The following ADAM19 variants were observed in gnomAD, a reference collection of about 807,000 sequenced individuals.
ADAM19 encodes the protein disintegrin and metalloproteinase domain-containing protein 19.
In ADAM19, 65 loss-of-function variants were observed where a neutral mutation model predicts 114.7. The observed-to-expected ratio is 0.57, with a 90% CI of 0.46 to 0.70. The LOEUF (loss-of-function observed/expected upper bound fraction) is 0.70, where lower values mean the gene tolerates loss of function less well. Among genes scored for constraint, ADAM19 ranks in the 30% least tolerant of loss-of-function variants. ADAM19 has a pLI of 0.00. For missense variants in ADAM19, 1,063 were observed against 1,204.7 expected, an observed-to-expected ratio of 0.88 and a Z score of 1.74; for synonymous variants, 466 against 460.5, an observed-to-expected ratio of 1.01 and a Z score of -0.15.
chr5:157,521,740 C>T (rs1363638707), intron 5 of ADAM19, among the ~76,000 whole-genome samples: 2 of 152,204 alleles, frequency 1.3e-5, no homozygotes, highest in African/African-American at 2.4e-5. Context: ...AGGGTCGCAT[C>T]CACTCCCTAA....
chr5:157,547,084 C>T (rs1002253897), intron 3 of ADAM19, among the ~76,000 whole-genome samples: 13 of 152,116 alleles, frequency 8.5e-5, no homozygotes, highest in African/African-American at 2.2e-4. Flanking sequence ...GGCCTGTCAG[C>T]GTTATGGAAA....
rs774840889 is a variant in ADAM19 at position 157,480,566 on chromosome 5, C to T, written c.*383G>A. 8.4e-6 allele frequency: 9 copies of T among 1,072,078 alleles called. No homozygotes were observed. Among genetic ancestry groups the T allele is most frequent in the Non-Finnish European group, 1.0e-5 (9 of 883,154 alleles). The allele number at this position is 1,072,078 out of a possible 1,614,324, so 66.4% of individuals were successfully genotyped here. A position where few individuals can be genotyped will look rare whatever the true frequency, so the allele number is the denominator to read the frequency against. Reference sequence around the variant, plus strand: ...GGGAAGCTCTCTTGCGTGCCCTGCACCCCAGGAGTGAATGGATGGCTTCTG... The same window carrying T: ...GGGAAGCTCTCTTGCGTGCCCTGCATCCCAGGAGTGAATGGATGGCTTCTG... On this transcript the variant is annotated 3_prime_UTR_variant, in exon 23 of 23. Coordinates refer to ENST00000257527, the MANE Select transcript of ADAM19 (RefSeq NM_033274.5).
At chr5:157,506,791 T>C (rs1647950358) in intron 10 of ADAM19, among the ~76,000 whole-genome samples, 1 of 152,208 alleles carries the variant, frequency 6.6e-6, no homozygotes, top group African/African-American at 2.4e-5. Flanking sequence ...GTTTGGAACA[T>C]ATGAGATCTA....
In ADAM19 at chr5:157,542,989, A is replaced by C. The variant is rs984573011; in HGVS notation, c.252-4998T>G. On this transcript the variant is annotated intron_variant, in intron 3 of 22. Transcript: ENST00000257527. ...TGTTAACTTGTAAAAACTTAATAAGATACAACAGAAATGCAAATATTTCCA... is the reference window on the plus strand; with the variant it reads ...TGTTAACTTGTAAAAACTTAATAAGCTACAACAGAAATGCAAATATTTCCA... Among the ~76,000 whole-genome samples the C allele has an allele frequency of 3.9e-5, 6 of 152,218 alleles. No individual in the cohort carries two copies. The East Asian group carries it at 9.6e-4, about 24-fold the overall frequency.
chr5:157,495,782 C>T (rs1036189718), intron 14 of ADAM19, among the ~76,000 whole-genome samples: 1 of 151,990 alleles, frequency 6.6e-6, no homozygotes, highest in Non-Finnish European at 1.5e-5. Flanking sequence ...TACAGGCGTC[C>T]ACCACCACGC....
Position 157,488,400 on chromosome 5 carries a change from T to C in ADAM19, c.2415A>G (p.Ala805=). The stretch of plus-strand genomic sequence containing the variant: ...CCCTGCTCAGGTGAGCTGGCAGTGG[T>C]GCAGGTGGGGACCCACCACGCAGAT... ...PDYLRGGSPP[A]PLPAHLSRAA... The change falls in exon 21 of 23, where the codon GCA becomes GCG. Residue 805 remains alanine (A), a synonymous_variant. Transcript: ENST00000257527. 11 of 1,614,050 alleles carry C rather than the reference T, an allele frequency of 6.8e-6. No individual in the cohort carries two copies. Among genetic ancestry groups the C allele is most frequent in the Non-Finnish European group, 9.3e-6 (11 of 1,179,994 alleles).
At position 157,480,710 on chromosome 5, in the gene ADAM19, T is replaced by C; in HGVS notation, c.*239A>G. The stretch of plus-strand genomic sequence containing the variant: ...CTCCTCATACTCTCCCCTCCCTACC[T>C]GGGGCTGTATATTGCACAAAACAAC... On this transcript the variant is annotated 3_prime_UTR_variant, in exon 23 of 23. Coordinates refer to ENST00000257527, the MANE Select transcript of ADAM19 (RefSeq NM_033274.5). The C allele has an allele frequency of 7.5e-7, 1 of 1,335,680 alleles. No individual in the cohort carries two copies. 82.7% of individuals were successfully genotyped at this position (1,335,680 alleles called of 1,614,324 possible).
rs773416601 is a variant in ADAM19, at chr5:157,479,933, A to C, written c.*1016T>G. The C allele has an allele frequency of 4.3e-5, 42 of 985,810 alleles. No homozygotes were observed. Among genetic ancestry groups the C allele is most frequent in the Non-Finnish European group, 3.4e-5 (28 of 830,016 alleles). 61.1% of individuals were successfully genotyped at this position (985,810 alleles called of 1,614,324 possible). A position where few individuals can be genotyped will look rare whatever the true frequency, so the allele number is the denominator to read the frequency against. ...AAGACCCCCACCCTGCTGAGGTCAC[A>C]AAACACAATGAAAAATAAACATATG... On this transcript the variant is annotated 3_prime_UTR_variant, in exon 23 of 23. Transcript: ENST00000257527.
intron 3 of ADAM19, among the ~76,000 whole-genome samples, chr5:157,557,162 C>A (rs1048238472): frequency 1.3e-5 from 2 of 152,208 alleles, no homozygotes; most frequent in African/African-American, 4.8e-5. Flanking sequence ...CCCGGCTCAG[C>A]CTCCCAAAGT....
chr5:157,477,950 G>A lies in ADAM19; in HGVS notation c.*2999C>T. ...GCAGAAAAAGGCTTTACTTTTATAG[G>A]GAGAAGTCAGCAAGGCTGAAAGGAA... On this transcript the variant is annotated 3_prime_UTR_variant, in exon 23 of 23. Coordinates refer to ENST00000257527, the MANE Select transcript of ADAM19 (RefSeq NM_033274.5). 3.1e-6 allele frequency: 1 copy of A among 318,540 alleles called. No individual in the cohort carries two copies. The highest frequency in any genetic ancestry group is 2.6e-5 in the South Asian group (1 of 38,164). The allele number at this position is 318,540 out of a possible 1,614,324, so 19.7% of individuals were successfully genotyped here. A position where few individuals can be genotyped will look rare whatever the true frequency, so the allele number is the denominator to read the frequency against.
At chr5:157,533,640 TG>T (rs1756684513) in intron 4 of ADAM19, among the ~76,000 whole-genome samples, 1 of 152,088 alleles carries the variant, frequency 6.6e-6, no homozygotes, top group Non-Finnish European at 1.5e-5. Flanking sequence ...TTCAGAAACG[TG>T]TATCAGCTAC....
intron 5 of ADAM19, among the ~76,000 whole-genome samples, chr5:157,521,173 A>G (rs1306297448): frequency 6.6e-6 from 1 of 152,222 alleles, no homozygotes. Context: ...AAAGAGGACC[A>G]TGACTTATTA....
intron 21 of ADAM19, among the ~76,000 whole-genome samples, chr5:157,486,394 G>A (rs1754931558): frequency 6.6e-6 from 1 of 152,146 alleles, no homozygotes; most frequent in Non-Finnish European, 1.5e-5. Context: ...GGGACCCGGG[G>A]CCCAGGAGAA....
chr5:157,519,842 G>T lies in ADAM19; in HGVS notation c.597C>A (p.Arg199=). 6.2e-7 allele frequency: 1 copy of T among 1,609,768 alleles called. No individual in the cohort carries two copies. Among genetic ancestry groups the T allele is most frequent in the African/African-American group, 1.3e-5 (1 of 74,908 alleles). Residue 199 remains arginine, a synonymous_variant, in exon 6 of 23, where the codon CGC becomes CGA. Coordinates refer to ENST00000257527, the MANE Select transcript of ADAM19 (RefSeq NM_033274.5). ...CACTGAGAGCCTCAAAACTCACCCT[G>T]CGAGGTCGCTTCTTGGTCTGTTGTG... ...QFTQQTKKRP[R]RMKREDLNSM... is the part of the protein sequence containing the mutation.
Position 157,575,684 on chromosome 5 carries a change from C to G in ADAM19, c.13G>C (p.Ala5Pro). Residue 5 changes from alanine to proline, a missense_variant, in exon 1 of 23, where the codon GCA (alanine) becomes CCA (proline). Around this residue, in one of 3 missense-constraint regions of ADAM19, gnomAD observed 615 missense variants for 706.3 expected, o/e 0.87. Transcript: ENST00000257527. MPGG[A>P]GAARLCLLAF... ...AGCAAGCAGAGCCGGGCGGCGCCTGCGCCCCCTGGCATGGTGGCGGCGGCC... is the reference window on the plus strand; with the variant it reads ...AGCAAGCAGAGCCGGGCGGCGCCTGGGCCCCCTGGCATGGTGGCGGCGGCC... 7.5e-7 allele frequency: 1 copy of G among 1,340,374 alleles called. No individual in the cohort carries two copies. Among genetic ancestry groups the G allele is most frequent in the Non-Finnish European group, 9.5e-7 (1 of 1,051,838 alleles). The allele number at this position is 1,340,374 out of a possible 1,614,324, so 83.0% of individuals were successfully genotyped here.
Position 157,491,625 on chromosome 5 carries a change from C to A in ADAM19, c.2085G>T (p.Met695Ile), listed in dbSNP as rs1220917278. The A allele has an allele frequency of 1.3e-6, 2 of 1,521,200 alleles. No homozygotes were observed. The highest frequency in any genetic ancestry group is 2.8e-5 in the African/African-American group (2 of 72,226). 94.2% of individuals were successfully genotyped at this position (1,521,200 alleles called of 1,614,324 possible). ...GHGGSIDSGPMPPESVGPVVA... is the reference protein window; with the variant it reads ...GHGGSIDSGPIPPESVGPVVA... ...CAGGCTGGCACTCACTCTCAGGGGG[C>A]ATAGGCCCACTGTCGATACTGCCCC... Residue 695 changes from methionine to isoleucine, a missense_variant, in exon 18 of 23, where the codon ATG becomes ATT. Physicochemically the swap from Met to Ile is conservative, Grantham distance 10 (BLOSUM62 1). This residue lies in a region of ADAM19 where 424 missense variants were observed against 445.5 expected (regional missense o/e 0.95). Coordinates refer to ENST00000257527, the MANE Select transcript of ADAM19 (RefSeq NM_033274.5).
At chr5:157,489,615 A>G (rs2113694530) in intron 19 of ADAM19, among the ~76,000 whole-genome samples, 1 of 152,372 alleles carries the variant, frequency 6.6e-6, no homozygotes, top group African/African-American at 2.4e-5. Context: ...TCACTTTTCA[A>G]ATGGGACACC....
intron 2 of ADAM19, among the ~76,000 whole-genome samples, chr5:157,565,077 T>A (rs1757620587): frequency 6.6e-6 from 1 of 152,132 alleles, no homozygotes; most frequent in South Asian, 2.1e-4. Context: ...GATCCTCAAA[T>A]TAAGGTTTTA....
intron 21 of ADAM19, 108 bp downstream of exon 21, chr5:157,488,157 G>C (rs1189928990): frequency 3.5e-6 from 4 of 1,144,626 alleles, no homozygotes; most frequent in Non-Finnish European, 5.1e-6. Context: ...AGAAAAGGCA[G>C]TCAGCTCATG....
Sources: allele counts gnomAD v4.1 joint callset (sites outside exome capture counted in the v4.1 genomes callset), GRCh38; gene constraint gnomAD v4.1.1; regional missense constraint gnomAD v4.1.1; transcripts MANE v1.5; gene names NCBI Gene and HGNC (gene_info 2026-07-23, HGNC 2026-07-21).